LDLRAP1: variants seen among roughly 807,000 people sequenced by gnomAD.
LDLRAP1 encodes the protein low density lipoprotein receptor adapter protein 1.
In LDLRAP1, 30 loss-of-function variants were observed where a neutral mutation model predicts 37.8. That is an observed-to-expected ratio of 0.79 (90% CI 0.59 to 1.08). The LOEUF is 1.08. Ranked by LOEUF, LDLRAP1 falls within the 50% of genes least tolerant of loss-of-function variation. The pLI is 0.00. For synonymous variants in LDLRAP1, 156 were observed against 169.8 expected (o/e 0.92, Z 0.63); for missense variants, 375 against 401.6 (o/e 0.93, Z 0.57).
At chr1:25,589,953 A>T in the LDLRAP1 span, among the ~76,000 whole-genome samples, 1 of 152,184 alleles carries the variant, frequency 6.6e-6, no homozygotes, top group Non-Finnish European at 1.5e-5. Flanking sequence ...ATACAAAAAA[A>T]TTAGCTGGGC....
chr1:25,553,709 T>C, intron 1 of LDLRAP1: 1 of 570,114 alleles, frequency 1.8e-6, no homozygotes, highest in East Asian at 3.1e-5. Flanking sequence ...GTGCAGAGGT[T>C]GCAGTAAGCT....
At chr1:25,589,929 C>T in the LDLRAP1 span, among the ~76,000 whole-genome samples, 4 of 152,124 alleles carry the variant, frequency 2.6e-5, no homozygotes, top group South Asian at 4.1e-4. Context: ...GGTGAAACCC[C>T]GTCTCTACTA....
intron 4 of LDLRAP1, among the ~76,000 whole-genome samples, chr1:25,558,800 G>A (rs2044273364): frequency 6.6e-6 from 1 of 152,156 alleles, no homozygotes; most frequent in Non-Finnish European, 1.5e-5. Context: ...CGTTTGCTGT[G>A]TAAGGCAGCA....
At chr1:25,577,047 C>T in the LDLRAP1 span, among the ~76,000 whole-genome samples, 8 of 152,200 alleles carry the variant, frequency 5.3e-5, no homozygotes, top group Admixed American at 3.3e-4. Context: ...GCGTGGCAGT[C>T]GGTCCTAGCC....
chr1:25,575,800 A>C, the LDLRAP1 span, among the ~76,000 whole-genome samples: 3 of 152,230 alleles, frequency 2.0e-5, no homozygotes, highest in East Asian at 5.8e-4. Flanking sequence ...TCTCACAATA[A>C]CTCTCTGGAA....
At chr1:25,563,586 C>T in intron 6 of LDLRAP1, 75 bp from the exon 7 acceptor site, 3 of 1,592,702 alleles carry the variant, frequency 1.9e-6, no homozygotes, top group Admixed American at 1.7e-5. Flanking sequence ...AGGGTCAGGG[C>T]CAGGACAGCC....
intron 1 of LDLRAP1, among the ~76,000 whole-genome samples, chr1:25,548,335 C>CTTT (rs144789866): frequency 1.1e-4 from 9 of 82,314 alleles, no homozygotes; most frequent in East Asian, 6.8e-4. Flanking sequence ...GATGGATACT[C>CTTT]TTTTTTTTTT....
chr1:25,562,587 A>T, intron 4 of LDLRAP1, 57 bp from the exon 5 acceptor site: 1 of 1,485,942 alleles, frequency 6.7e-7, no homozygotes, highest in Non-Finnish European at 9.4e-7. Context: ...TCCAGTGCAG[A>T]CTTGCTCTGC....
chr1:25,547,189 A>AATTT (rs1393687666), intron 1 of LDLRAP1, among the ~76,000 whole-genome samples: 2 of 152,122 alleles, frequency 1.3e-5, no homozygotes, highest in Non-Finnish European at 2.9e-5. Context: ...GGGCATTATA[A>AATTT]AGCAAATTAC....
intron 6 of LDLRAP1, among the ~76,000 whole-genome samples, chr1:25,563,426 T>TTAA (rs2044394472): frequency 6.6e-6 from 1 of 152,044 alleles, no homozygotes; most frequent in Non-Finnish European, 1.5e-5. Flanking sequence ...ATTGTGTGGT[T>TTAA]GCTTAAGAAA....
downstream of LDLRAP1, among the ~76,000 whole-genome samples, chr1:25,572,819 A>C (rs1382219256): frequency 2.0e-5 from 3 of 152,186 alleles, no homozygotes; most frequent in Non-Finnish European, 4.4e-5. Context: ...ATTCTTGAGC[A>C]TGTAATGAGC....
At chr1:25,570,631 A>G (rs1368036328), downstream of LDLRAP1, among the ~76,000 whole-genome samples, 3 of 152,076 alleles carry the variant, frequency 2.0e-5, no homozygotes, top group South Asian at 2.1e-4. Flanking sequence ...AGGCCGAGGC[A>G]GGCGGATCAC....
the LDLRAP1 span, among the ~76,000 whole-genome samples, chr1:25,585,088 G>A: frequency 6.6e-6 from 1 of 152,214 alleles, no homozygotes; most frequent in African/African-American, 2.4e-5. Flanking sequence ...TGGGTGTGGG[G>A]TGTTGAGACT....
chr1:25,562,760 A>G, intron 5 of LDLRAP1, 44 bp downstream of exon 5: 1 of 1,548,126 alleles, frequency 6.5e-7, no homozygotes, highest in Non-Finnish European at 8.9e-7. Context: ...GGAGGTGGGG[A>G]GACACATAAA....
In LDLRAP1 at chr1:25,554,891, T is replaced by G. The variant is rs1447649394; in HGVS notation, c.263T>G (p.Val88Gly). 11 of 1,614,178 alleles carry G rather than the reference T, an allele frequency of 6.8e-6. No individual in the cohort carries two copies. The highest frequency in any genetic ancestry group is 9.3e-6 in the Non-Finnish European group (11 of 1,180,024). ...AKASGKKLQK[V>G]TLKVSPRGII... ...GCCAGTGGGAAGAAGCTGCAGAAGG[T>G]GACTCTGAAGGTGTCGCCACGGGGA... The change falls in exon 3 of 9, where the codon GTG becomes GGG. Residue 88 changes from valine to glycine, a missense_variant. By Grantham distance (109) the Val-to-Gly change is moderately radical (BLOSUM62 -3). Transcript: ENST00000374338. The surrounding 1 kb of genome is among the most constrained non-coding windows in gnomAD (Gnocchi z 5.4).
At chr1:25,545,229 AG>A (rs1182176010) in intron 1 of LDLRAP1, among the ~76,000 whole-genome samples, 1 of 150,310 alleles carries the variant, frequency 6.7e-6, no homozygotes, top group Admixed American at 6.6e-5. Context: ...TGAGGGAGGG[AG>A]GGTGGTGGGG....
Position 25,543,678 on chromosome 1 carries a change from C to T in LDLRAP1, c.-21C>T, listed in dbSNP as rs1368096972. 20 of 1,211,262 alleles carry T rather than the reference C, an allele frequency of 1.7e-5. No homozygotes were observed. Among genetic ancestry groups the T allele is most frequent in the Non-Finnish European group, 2.1e-5 (20 of 974,586 alleles). The allele number at this position is 1,211,262 out of a possible 1,614,324, so 75.0% of individuals were successfully genotyped here. ...GACGGAGTTTTGGCTGCGGCAGCGG[C>T]GGCGGCGGCCGGAGCGGGCCATGGA... On this transcript the variant is annotated 5_prime_UTR_variant, in exon 1 of 9. Coordinates refer to ENST00000374338, the MANE Select transcript of LDLRAP1 (RefSeq NM_015627.3).
downstream of LDLRAP1, among the ~76,000 whole-genome samples, chr1:25,572,080 A>G (rs916047642): frequency 6.6e-6 from 1 of 152,178 alleles, no homozygotes; most frequent in African/African-American, 2.4e-5. Flanking sequence ...AGAGGGGCAT[A>G]TTCCTGCTGG....
chr1:25,569,146 G>A (rs373368460), downstream of LDLRAP1, among the ~76,000 whole-genome samples: 26 of 152,366 alleles, frequency 1.7e-4, no homozygotes, highest in African/African-American at 3.1e-4. Flanking sequence ...CGGCTGAAGC[G>A]TCTGAGAGCC....
Sources: gnomAD v4.1 joint callset for allele counts (sites outside exome capture counted in the v4.1 genomes callset) on GRCh38, gnomAD v4.1.1 for gene constraint, Gnocchi (gnomAD v3.1) non-coding constraint, MANE v1.5 for transcripts, NCBI Gene and HGNC (gene_info 2026-07-23, HGNC 2026-07-21) for gene names.